PRELID2: variants seen among roughly 807,000 people sequenced by gnomAD.
PRELID2 encodes PRELI domain-containing protein 2.
PRELID2 carries 25 observed loss-of-function variants against 28.4 expected under a neutral mutation model. The ratio of observed to expected loss-of-function variants is 0.88; its 90% confidence interval spans 0.64 to 1.23. The LOEUF (loss-of-function observed/expected upper bound fraction) is 1.23, where lower values mean the gene tolerates loss of function less well. Ranked by LOEUF, PRELID2 falls within the 50% of genes most tolerant of loss-of-function variation. The probability of loss-of-function intolerance (pLI) is 0.00; values close to 1 mark genes in which losing one functional copy is unlikely to be tolerated. For missense variants in PRELID2, 201 were observed against 214.4 expected (o/e 0.94, Z 0.39); for synonymous variants, 76 against 71.6 (o/e 1.06, Z -0.31).
At chr5:145,322,112 G>A in the PRELID2 span, among the ~76,000 whole-genome samples, 2 of 152,162 alleles carry the variant, frequency 1.3e-5, no homozygotes, top group East Asian at 3.9e-4. Context: ...TCCTGTCTGT[G>A]AATTGCTGAG....
At chr5:145,325,775 C>T in the PRELID2 span, among the ~76,000 whole-genome samples, 1 of 152,022 alleles carries the variant, frequency 6.6e-6, no homozygotes, top group Non-Finnish European at 1.5e-5. Flanking sequence ...TTTTTCTTGT[C>T]TTTTTTCTGC....
the PRELID2 span, among the ~76,000 whole-genome samples, chr5:145,373,383 A>C: frequency 0.026 from 2,118 of 81,686 alleles, 157 homozygotes; most frequent in African/African-American, 0.1. Context: ...ATTACAACAT[A>C]TATAATATAT....
At chr5:145,389,321 A>G in the PRELID2 span, among the ~76,000 whole-genome samples, 2 of 152,122 alleles carry the variant, frequency 1.3e-5, no homozygotes, top group Admixed American at 1.3e-4. Context: ...GGGCTTGTGA[A>G]TGCTGTAATG....
At chr5:145,410,484 ATTGAC>A in the PRELID2 span, among the ~76,000 whole-genome samples, 2 of 152,178 alleles carry the variant, frequency 1.3e-5, no homozygotes, top group Non-Finnish European at 2.9e-5. Flanking sequence ...AAAACGTTTA[ATTGAC>A]TTACTGTTCT....
At chr5:145,518,154 ATAATAATAAT>A (rs1207121470) in intron 1 of PRELID2, among the ~76,000 whole-genome samples, 2 of 142,384 alleles carry the variant, frequency 1.4e-5, no homozygotes, top group Non-Finnish European at 3.0e-5. Flanking sequence ...AATAATAATA[ATAATAATAAT>A]AATAATAATA....
At chr5:145,630,350 G>A (rs1753915459) in intron 1 of PRELID2, among the ~76,000 whole-genome samples, 1 of 152,128 alleles carries the variant, frequency 6.6e-6, no homozygotes, top group Admixed American at 6.5e-5. Flanking sequence ...TGGAAAAAGT[G>A]GTAGAAAAAA....
At chr5:145,283,022 C>A in the PRELID2 span, among the ~76,000 whole-genome samples, 1 of 152,132 alleles carries the variant, frequency 6.6e-6, no homozygotes, top group Non-Finnish European at 1.5e-5. Flanking sequence ...AAGAGAGTTT[C>A]AAAAAGCTCT....
At chr5:145,588,255 A>C (rs1416356380) in intron 1 of PRELID2, among the ~76,000 whole-genome samples, 1 of 152,154 alleles carries the variant, frequency 6.6e-6, no homozygotes, top group Non-Finnish European at 1.5e-5. Flanking sequence ...TTATGATACA[A>C]GTAAGGACAC....
At chr5:145,662,633 G>A (rs537993037) in intron 1 of PRELID2, among the ~76,000 whole-genome samples, 1 of 152,120 alleles carries the variant, frequency 6.6e-6, no homozygotes, top group Admixed American at 6.6e-5. Flanking sequence ...TGGATTAATG[G>A]GTTAATGGAT....
intron 1 of PRELID2, among the ~76,000 whole-genome samples, chr5:145,674,646 T>A (rs1754777948): frequency 6.6e-6 from 1 of 152,108 alleles, no homozygotes; most frequent in Admixed American, 6.6e-5. Flanking sequence ...TGTGTCAGAT[T>A]TAAATGTAAG....
chr5:145,825,543 C>A (rs61130363), intron 1 of PRELID2, among the ~76,000 whole-genome samples: 1 of 152,092 alleles, frequency 6.6e-6, no homozygotes, highest in African/African-American at 2.4e-5. Context: ...CTGAATATTA[C>A]AAATTCAACA....
chr5:145,550,164 T>G (rs1485898386), intron 1 of PRELID2, among the ~76,000 whole-genome samples: 3 of 152,198 alleles, frequency 2.0e-5, no homozygotes, highest in African/African-American at 7.2e-5. Flanking sequence ...AAGGAGGGGA[T>G]GAGAATGAAC....
At chr5:145,747,264 A>C (rs1451891402) in intron 1 of PRELID2, among the ~76,000 whole-genome samples, 2 of 152,000 alleles carry the variant, frequency 1.3e-5, no homozygotes, top group Non-Finnish European at 2.9e-5. Flanking sequence ...TTAAAAAAAA[A>C]AAAATTAACA....
At chr5:145,567,823 C>T (rs899317517) in intron 1 of PRELID2, among the ~76,000 whole-genome samples, 2 of 152,152 alleles carry the variant, frequency 1.3e-5, no homozygotes, top group African/African-American at 4.8e-5. Flanking sequence ...AACTGCGAGT[C>T]GATTAAACTT....
chr5:145,399,629 C>A, the PRELID2 span, among the ~76,000 whole-genome samples: 2 of 152,012 alleles, frequency 1.3e-5, no homozygotes, highest in East Asian at 1.9e-4. Context: ...CTACAGAGAT[C>A]TTTTTCCCTC....
At chr5:145,466,883 C>T (rs976458694), downstream of PRELID2, among the ~76,000 whole-genome samples, 1 of 152,120 alleles carries the variant, frequency 6.6e-6, no homozygotes, top group Non-Finnish European at 1.5e-5. Context: ...TACAACCTCA[C>T]ACCTACCACC....
At position 145,759,593 on chromosome 5, in the gene PRELID2, CTT is replaced by C. The variant is rs1457112577; in HGVS notation, c.*941_*942del. On this transcript the variant is annotated 3_prime_UTR_variant, in exon 7 of 7. Coordinates refer to ENST00000683046, the MANE Select transcript of PRELID2 (RefSeq NM_205846.3). Reference sequence around the variant, plus strand: ...AATCTCACAAAATTAATTCTATCATCTTGTTTCACAAATTTTTTTAAATGAGA... The same window carrying C: ...AATCTCACAAAATTAATTCTATCATCGTTTCACAAATTTTTTTAAATGAGA... 6.6e-6 allele frequency: 1 copy of C among 152,194 alleles called. No individual in the cohort carries two copies. Among genetic ancestry groups the C allele is most frequent in the East Asian group, 1.9e-4 (1 of 5,194 alleles). 9.4% of individuals were successfully genotyped at this position (152,194 alleles called of 1,614,324 possible). A position where few individuals can be genotyped will look rare whatever the true frequency, so the allele number is the denominator to read the frequency against.
At chr5:145,714,973 T>C (rs1037818088) in intron 1 of PRELID2, among the ~76,000 whole-genome samples, 1 of 152,154 alleles carries the variant, frequency 6.6e-6, no homozygotes, top group Non-Finnish European at 1.5e-5. Flanking sequence ...GTCGATAACT[T>C]AATCCTAGAC....
At chr5:145,415,934 C>A in the PRELID2 span, among the ~76,000 whole-genome samples, 12 of 152,208 alleles carry the variant, frequency 7.9e-5, no homozygotes, top group South Asian at 2.3e-3. Flanking sequence ...ACTTCCTCTC[C>A]AGCATCTGTT....
Sources: gnomAD v4.1 joint callset for allele counts (sites outside exome capture counted in the v4.1 genomes callset) on GRCh38, gnomAD v4.1.1 for gene constraint, MANE v1.5 for transcripts, NCBI Gene and HGNC (gene_info 2026-07-23, HGNC 2026-07-21) for gene names.